The following IGSF3 variants were observed in gnomAD, a reference collection of about 807,000 sequenced individuals.
IGSF3 encodes glu-Trp-Ile EWI motif-containing protein 3.
Under a neutral mutation model 114.4 loss-of-function variants are expected in IGSF3, and 23 were observed. The observed-to-expected ratio is 0.20, with a 90% confidence interval of 0.14 to 0.28. IGSF3 has a LOEUF of 0.28. IGSF3 is among the 10% of genes least tolerant of loss of function. The pLI, the probability that IGSF3 is intolerant of heterozygous loss-of-function variation, is 1.00. For missense variants in IGSF3, 1,172 were observed against 1,591.5 expected (o/e 0.74, Z 4.48); for synonymous variants, 571 against 645.2 (o/e 0.88, Z 1.74).
rs1227730199 is a variant in IGSF3, at chr1:116,664,740, A to AT, written c.43+1543dup. ...CAGGTGACATGGAGACACTGCCTGT[A>AT]TCCCAGCCCACAGCTGAACAGAAGA... On this transcript the variant is annotated intron_variant, in intron 2 of 10. Transcript: ENST00000369486. This position sits in a 1 kb window ranked among gnomAD's most constrained non-coding sequence, Gnocchi z 4.6. 2.0e-5 allele frequency among the ~76,000 whole-genome samples: 3 copies of AT among 152,258 alleles called. No homozygotes were observed. Among genetic ancestry groups the AT allele is most frequent in the African/African-American group, 7.2e-5 (3 of 41,470 alleles).
chr1:116,642,316 A>G lies in IGSF3; in HGVS notation c.43+23968T>C, dbSNP rs1289122923. ...TTCCCTAAGTCTGAAATGACTTAGT[A>G]AGGATAAGAGGTCAAATCATATGCT... On this transcript the variant is annotated intron_variant, in intron 2 of 10. Transcript: ENST00000369486. The surrounding 1 kb of genome is among the most constrained non-coding windows in gnomAD (Gnocchi z 5.4). 6.6e-6 allele frequency among the ~76,000 whole-genome samples: 1 copy of G among 152,124 alleles called. No homozygotes were observed. Among genetic ancestry groups the G allele is most frequent in the Non-Finnish European group, 1.5e-5 (1 of 68,010 alleles).
In IGSF3 at chr1:116,642,167, T is replaced by C. The variant is rs1653009923; in HGVS notation, c.43+24117A>G. 6.6e-6 allele frequency among the ~76,000 whole-genome samples: 1 copy of C among 152,254 alleles called. No individual in the cohort carries two copies. Among genetic ancestry groups the C allele is most frequent in the Non-Finnish European group, 1.5e-5 (1 of 68,018 alleles). ...AGTTTTACTTTGAAATATAGAACAT[T>C]TCATTTTTTTCCCACACACCTCGCA... On this transcript the variant is annotated intron_variant, in intron 2 of 10. Transcript: ENST00000369486. This position sits in a 1 kb window ranked among gnomAD's most constrained non-coding sequence, Gnocchi z 5.4.
chr1:116,599,493 C>A (rs1176731940), intron 7 of IGSF3, among the ~76,000 whole-genome samples: 1 of 151,936 alleles, frequency 6.6e-6, no homozygotes, highest in African/African-American at 2.4e-5. Flanking sequence ...GATGTGTGAT[C>A]CCTGGTTGGA....
chr1:116,620,912 T>C (rs1661395411), intron 2 of IGSF3, among the ~76,000 whole-genome samples: 1 of 152,194 alleles, frequency 6.6e-6, no homozygotes, highest in African/African-American at 2.4e-5. Flanking sequence ...GGCTAAATTT[T>C]TTATTTCTTA....
rs1557877670 is a variant in IGSF3 at position 116,628,064 on chromosome 1, C to T, written c.44-11607G>A. Reference sequence around the variant, plus strand: ...TCCTCTTGGATGATAGCTGGATAATCGCAATAAGCAGAGCCCCAATAACTA... The same window carrying T: ...TCCTCTTGGATGATAGCTGGATAATTGCAATAAGCAGAGCCCCAATAACTA... On this transcript the variant is annotated intron_variant, in intron 2 of 10. Coordinates refer to ENST00000369486, the MANE Select transcript of IGSF3 (RefSeq NM_001007237.3). The surrounding 1 kb of genome is among the most constrained non-coding windows in gnomAD (Gnocchi z 4.2). Among the ~76,000 whole-genome samples the T allele has an allele frequency of 6.6e-6, 1 of 152,182 alleles. No homozygotes were observed. The highest frequency in any genetic ancestry group is 2.4e-5 in the African/African-American group (1 of 41,448).
In IGSF3 at chr1:116,634,020, G is replaced by A. The variant is rs1647710963; in HGVS notation, c.44-17563C>T. On this transcript the variant is annotated intron_variant, in intron 2 of 10. Transcript: ENST00000369486. This position sits in a 1 kb window ranked among gnomAD's most constrained non-coding sequence, Gnocchi z 4.2. ...CAAATCAGCCCTGCTAATGTGTACA[G>A]TCAGCATCAAAGAGGTAACAATGGT... Among the ~76,000 whole-genome samples, 1 of 152,224 alleles carries A rather than the reference G, an allele frequency of 6.6e-6. No individual in the cohort carries two copies. Among genetic ancestry groups the A allele is most frequent in the Non-Finnish European group, 1.5e-5 (1 of 68,048 alleles).
chr1:116,579,965 T>G lies in IGSF3; in HGVS notation c.2849-88A>C. ...TAAATGTCCATCATTAAACACATGATAGTAACATCCATACTATAAGATATT... is the reference window on the plus strand; with the variant it reads ...TAAATGTCCATCATTAAACACATGAGAGTAACATCCATACTATAAGATATT... On this transcript the variant is annotated intron_variant, in intron 9 of 10. Coordinates refer to ENST00000369486, the MANE Select transcript of IGSF3 (RefSeq NM_001007237.3). The surrounding 1 kb of genome is among the most constrained non-coding windows in gnomAD (Gnocchi z 6.4). 8.7e-7 allele frequency: 1 copy of G among 1,145,364 alleles called. No individual in the cohort carries two copies. The highest frequency in any genetic ancestry group is 1.2e-6 in the Non-Finnish European group (1 of 824,028). The allele number at this position is 1,145,364 out of a possible 1,614,324, so 71.0% of individuals were successfully genotyped here. A position where few individuals can be genotyped will look rare whatever the true frequency, so the allele number is the denominator to read the frequency against.
rs1482608247 is a variant in IGSF3 at position 116,627,612 on chromosome 1, A to T, written c.44-11155T>A. Reference sequence around the variant, plus strand: ...GACAACAGGCCGGGAGCGCATCTGCAGGCAGCGTCAGGATGTCAGCTACCA... The same window carrying T: ...GACAACAGGCCGGGAGCGCATCTGCTGGCAGCGTCAGGATGTCAGCTACCA... On this transcript the variant is annotated intron_variant, in intron 2 of 10. Transcript: ENST00000369486. The surrounding 1 kb of genome is among the most constrained non-coding windows in gnomAD (Gnocchi z 4.7). Among the ~76,000 whole-genome samples the T allele has an allele frequency of 6.6e-6, 1 of 152,242 alleles. No individual in the cohort carries two copies. Among genetic ancestry groups the T allele is most frequent in the Non-Finnish European group, 1.5e-5 (1 of 68,044 alleles).
chr1:116,584,915 T>C lies in IGSF3; in HGVS notation c.2578A>G (p.Asn860Asp). Residue 860 changes from asparagine to aspartate, a missense_variant, in exon 9 of 11, where the codon AAC (asparagine) becomes GAC (aspartate). By Grantham distance (23) the Asn-to-Asp change is conservative. This residue lies in a region of IGSF3 where 423 missense variants were observed against 509.8 expected (regional missense o/e 0.83). Coordinates refer to ENST00000369486, the MANE Select transcript of IGSF3 (RefSeq NM_001007237.3). This position sits in a 1 kb window ranked among gnomAD's most constrained non-coding sequence, Gnocchi z 5.8. ...GCCACAGTCTCCCGCTCAGGGTGGTTGGGCTTCCATACAAACCATTCCACC... is the reference window on the plus strand; with the variant it reads ...GCCACAGTCTCCCGCTCAGGGTGGTCGGGCTTCCATACAAACCATTCCACC... ...LMVEWFVWKPNHPERETVARL... is the reference protein window; with the variant it reads ...LMVEWFVWKPDHPERETVARL... The C allele has an allele frequency of 6.2e-7, 1 of 1,614,154 alleles. No individual in the cohort carries two copies. The highest frequency in any genetic ancestry group is 8.5e-7 in the Non-Finnish European group (1 of 1,179,984).
rs1424584102 is a variant in IGSF3, at chr1:116,594,760, C to T, written c.2029+5181G>A. 1.3e-5 allele frequency among the ~76,000 whole-genome samples: 2 copies of T among 152,142 alleles called. No individual in the cohort carries two copies. Among genetic ancestry groups the T allele is most frequent in the Non-Finnish European group, 2.9e-5 (2 of 68,026 alleles). ...AGCTTGCCTGGGGGTGAACCCTCCCCAGACCCCATGCTTTAGTCATCTCAA... is the reference window on the plus strand; with the variant it reads ...AGCTTGCCTGGGGGTGAACCCTCCCTAGACCCCATGCTTTAGTCATCTCAA... On this transcript the variant is annotated intron_variant, in intron 7 of 10. Coordinates refer to ENST00000369486, the MANE Select transcript of IGSF3 (RefSeq NM_001007237.3). This position sits in a 1 kb window ranked among gnomAD's most constrained non-coding sequence, Gnocchi z 5.2.
intron 4 of IGSF3, among the ~76,000 whole-genome samples, chr1:116,609,357 C>A (rs1660924324): frequency 1.3e-5 from 2 of 152,036 alleles, no homozygotes; most frequent in Admixed American, 1.3e-4. Flanking sequence ...AGCCATCCTC[C>A]CACCTCAGCC....
rs746442019 is a variant in IGSF3 at position 116,661,030 on chromosome 1, C to T, written c.43+5254G>A. 5.3e-5 allele frequency among the ~76,000 whole-genome samples: 8 copies of T among 152,126 alleles called. No individual in the cohort carries two copies. The highest frequency in any genetic ancestry group is 2.1e-4 in the South Asian group (1 of 4,830). On this transcript the variant is annotated intron_variant, in intron 2 of 10. Transcript: ENST00000369486. This position sits in a 1 kb window ranked among gnomAD's most constrained non-coding sequence, Gnocchi z 4.0. ...TAACTGGGCCAGGTGTGGTAGCTCA[C>T]GCCTGTAATTTCAGCATTTTGGGAG...
Position 116,577,052 on chromosome 1 carries a change from C to G in IGSF3, c.*260G>C. 4.3e-6 allele frequency: 2 copies of G among 462,964 alleles called. No individual in the cohort carries two copies. Among genetic ancestry groups the G allele is most frequent in the Non-Finnish European group, 7.8e-6 (2 of 256,500 alleles). 28.7% of individuals were successfully genotyped at this position (462,964 alleles called of 1,614,324 possible). ...TGAGTAGATGTGGCACCTGGAGCTA[C>G]TCACTACATTACTAAAAACAGAAAC... On this transcript the variant is annotated 3_prime_UTR_variant, in exon 11 of 11. Coordinates refer to ENST00000369486, the MANE Select transcript of IGSF3 (RefSeq NM_001007237.3). The surrounding 1 kb of genome is among the most constrained non-coding windows in gnomAD (Gnocchi z 5.7).
rs1365287763 is a variant in IGSF3 at position 116,616,574 on chromosome 1, C to T, written c.44-117G>A. 4.2e-5 allele frequency: 33 copies of T among 783,992 alleles called. No homozygotes were observed. The highest frequency in any genetic ancestry group is 6.2e-5 in the Non-Finnish European group (31 of 500,516). 48.6% of individuals were successfully genotyped at this position (783,992 alleles called of 1,614,324 possible). ...TGTGACATGATAATAATATAAACAG[C>T]TTACTGGCCCTTTCAAAGGCGCTTT... On this transcript the variant is annotated intron_variant, in intron 2 of 10. Coordinates refer to ENST00000369486, the MANE Select transcript of IGSF3 (RefSeq NM_001007237.3). This position sits in a 1 kb window ranked among gnomAD's most constrained non-coding sequence, Gnocchi z 6.6.
At position 116,588,973 on chromosome 1, in the gene IGSF3, T is replaced by C. The variant is rs1659974485; in HGVS notation, c.2161A>G (p.Lys721Glu). 6.2e-7 allele frequency: 1 copy of C among 1,614,110 alleles called. No individual in the cohort carries two copies. The highest frequency in any genetic ancestry group is 8.5e-7 in the Non-Finnish European group (1 of 1,180,042). ...AGCTTGCCATCGGCATCCGAGGGCT[T>C]GTGGACATACCAGAGCACCGCAAAG... is the stretch of plus-strand genomic sequence containing the variant. Reference protein sequence around the residue: ...SHFAVLWYVHKPSDADGKLIL... With the variant: ...SHFAVLWYVHEPSDADGKLIL... The change falls in exon 8 of 11, where the codon AAG (lysine) becomes GAG (glutamate). Residue 721 changes from lysine (K) to glutamate (E), a missense_variant. Lys to Glu is a moderately conservative substitution (Grantham distance 56). Around this residue, in one of 3 missense-constraint regions of IGSF3, gnomAD observed 736 missense variants for 1,042.0 expected, o/e 0.71. Coordinates refer to ENST00000369486, the MANE Select transcript of IGSF3 (RefSeq NM_001007237.3). This position sits in a 1 kb window ranked among gnomAD's most constrained non-coding sequence, Gnocchi z 4.9.
chr1:116,582,193 C>G lies in IGSF3; in HGVS notation c.2849-2316G>C, dbSNP rs1659630584. On this transcript the variant is annotated intron_variant, in intron 9 of 10. Transcript: ENST00000369486. This position sits in a 1 kb window ranked among gnomAD's most constrained non-coding sequence, Gnocchi z 4.7. ...ATCTCTCTCCCCTTAACATGTTTCT[C>G]TACCAATTTAGTTCCCTGAATCTGC... Among the ~76,000 whole-genome samples the G allele has an allele frequency of 6.6e-6, 1 of 152,210 alleles. No individual in the cohort carries two copies. Among genetic ancestry groups the G allele is most frequent in the African/African-American group, 2.4e-5 (1 of 41,446 alleles).
Position 116,662,022 on chromosome 1 carries a change from C to A in IGSF3, c.43+4262G>T, listed in dbSNP as rs994543568. Among the ~76,000 whole-genome samples the A allele has an allele frequency of 6.6e-6, 1 of 151,958 alleles. No individual in the cohort carries two copies. The highest frequency in any genetic ancestry group is 1.5e-5 in the Non-Finnish European group (1 of 67,996). ...TAGAGAGCATGCACATGGAGCAAGA[C>A]AGCAGGAGCTTGGAGCCCTAACACT... On this transcript the variant is annotated intron_variant, in intron 2 of 10. Transcript: ENST00000369486. The surrounding 1 kb of genome is among the most constrained non-coding windows in gnomAD (Gnocchi z 4.3).
At chr1:116,599,383 CATACAT>C (rs1444935666) in intron 7 of IGSF3, among the ~76,000 whole-genome samples, 7 of 130,768 alleles carry the variant, frequency 5.4e-5, no homozygotes, top group African/African-American at 2.5e-4. Context: ...TCTACAGACA[CATACAT>C]ATACACACAC....
chr1:116,623,620 C>T (rs1440454371), intron 2 of IGSF3, among the ~76,000 whole-genome samples: 3 of 151,824 alleles, frequency 2.0e-5, no homozygotes, highest in Admixed American at 6.6e-5. Flanking sequence ...TGCAGCAAGC[C>T]GAGATCGCAC....
Sources: gnomAD v4.1 joint callset for allele counts (sites outside exome capture counted in the v4.1 genomes callset) on GRCh38, gnomAD v4.1.1 for gene constraint, gnomAD v4.1.1 regional missense constraint, Gnocchi (gnomAD v3.1) non-coding constraint, MANE v1.5 for transcripts, NCBI Gene and HGNC (gene_info 2026-07-23, HGNC 2026-07-21) for gene names.